PPFIBP1: variants seen among roughly 807,000 people sequenced by gnomAD.
The protein encoded by PPFIBP1 is liprin-beta-1.
Under a neutral mutation model 137.8 loss-of-function variants are expected in PPFIBP1, and 112 were observed. The observed-to-expected ratio is 0.81, with a 90% CI of 0.70 to 0.95. The LOEUF is 0.95. Ranked by LOEUF, PPFIBP1 falls within the 40% of genes least tolerant of loss-of-function variation. The pLI is 0.00. For synonymous variants in PPFIBP1, 378 were observed against 417.3 expected, an observed-to-expected ratio of 0.91 and a Z score of 1.15; for missense variants, 1,083 against 1,196.6, an observed-to-expected ratio of 0.91 and a Z score of 1.40.
At chr12:27,575,906 A>G (rs2050517880) in intron 1 of PPFIBP1, among the ~76,000 whole-genome samples, 1 of 152,348 alleles carries the variant, frequency 6.6e-6, no homozygotes, top group South Asian at 2.1e-4. Context: ...TTTGATCAAA[A>G]CTGTAGAACA....
Position 27,642,240 on chromosome 12 carries a change from ACT to A in PPFIBP1, c.271-3819_271-3818del, listed in dbSNP as rs148916151. Among the ~76,000 whole-genome samples, 265 of 152,258 alleles carry A rather than the reference ACT, an allele frequency of 1.7e-3. 1 individual carries two copies. The East Asian group carries it at 0.03, about 17-fold the overall frequency. On this transcript the variant is annotated intron_variant, in intron 4 of 29. Transcript: ENST00000228425. ...CAGTTGAGTTATATCTCCCCCACTG[ACT>A]CTGCATACACACTATTGGTTGGATA... is the stretch of plus-strand genomic sequence containing the variant.
intron 26 of PPFIBP1, 117 bp from the exon 27 acceptor site, chr12:27,688,898 T>C: frequency 1.1e-6 from 1 of 911,250 alleles, no homozygotes; most frequent in Non-Finnish European, 1.6e-6. Context: ...CTCACCGGGC[T>C]GTTGAGAGGA....
chr12:27,595,685 T>C (rs2053135094), intron 2 of PPFIBP1, among the ~76,000 whole-genome samples: 1 of 151,772 alleles, frequency 6.6e-6, no homozygotes, highest in Non-Finnish European at 1.5e-5. Flanking sequence ...AGAAACCCCA[T>C]CTCTACTAAA....
chr12:27,646,994 C>A (rs1195217694), intron 5 of PPFIBP1, among the ~76,000 whole-genome samples: 2 of 152,204 alleles, frequency 1.3e-5, no homozygotes, highest in Admixed American at 6.5e-5. Context: ...ATTTGAATTC[C>A]CTGGGTTTTG....
chr12:27,646,312 A>G (rs773652547), intron 5 of PPFIBP1, 164 bp downstream of exon 5: 2 of 655,224 alleles, frequency 3.1e-6, no homozygotes, highest in African/African-American at 1.8e-5. Flanking sequence ...GGGCAGAATG[A>G]TGGTGTTTAC....
At chr12:27,576,589 C>G (rs112525312) in intron 1 of PPFIBP1, among the ~76,000 whole-genome samples, 1 of 152,138 alleles carries the variant, frequency 6.6e-6, no homozygotes. Context: ...TGCTCAGACC[C>G]GGACTGACCT....
At chr12:27,528,266 T>C (rs531551803) in intron 1 of PPFIBP1, among the ~76,000 whole-genome samples, 2 of 152,256 alleles carry the variant, frequency 1.3e-5, no homozygotes, top group African/African-American at 4.8e-5. Flanking sequence ...GTATTCTTTG[T>C]GAATAAAGGG....
intron 2 of PPFIBP1, among the ~76,000 whole-genome samples, chr12:27,581,984 A>ATGTG (rs61548314): frequency 0.12 from 17,862 of 150,786 alleles, 1,594 homozygotes; most frequent in East Asian, 0.42. Context: ...GTGTGTACGT[A>ATGTG]TGTGTGTGTG....
chr12:27,605,966 A>G (rs78455020), intron 2 of PPFIBP1, among the ~76,000 whole-genome samples: 1,768 of 152,328 alleles, frequency 0.012, 40 homozygotes, highest in African/African-American at 0.04. Flanking sequence ...ACCTAAGGCT[A>G]GTAATTTTCA....
chr12:27,593,031 T>C (rs777118982), intron 2 of PPFIBP1, among the ~76,000 whole-genome samples: 2 of 147,510 alleles, frequency 1.4e-5, no homozygotes, highest in Non-Finnish European at 3.0e-5. Flanking sequence ...ACTCAGGAGG[T>C]TGAGGCAGGA....
At chr12:27,679,793 G>A (rs2060773428) in intron 20 of PPFIBP1, 140 bp from the exon 21 acceptor site, 1 of 1,376,356 alleles carries the variant, frequency 7.3e-7, no homozygotes, top group East Asian at 2.3e-5. Context: ...TTGGGTCTTA[G>A]TTAAAGTTTA....
intron 1 of PPFIBP1, among the ~76,000 whole-genome samples, chr12:27,569,668 C>T (rs6487612): frequency 0.31 from 46,717 of 151,996 alleles, 8,151 homozygotes; most frequent in African/African-American, 0.46. Flanking sequence ...AAGCAATTCT[C>T]CTGCCTCAGC....
intron 2 of PPFIBP1, among the ~76,000 whole-genome samples, chr12:27,601,505 A>G (rs1390188073): frequency 1.3e-5 from 2 of 152,230 alleles, no homozygotes; most frequent in East Asian, 3.8e-4. Flanking sequence ...TACCGCTGCC[A>G]AAGGCTACAC....
In PPFIBP1 at chr12:27,682,560, A is replaced by G. The variant is rs1593357241; in HGVS notation, c.2159-55A>G. 3 of 1,609,276 alleles carry G rather than the reference A, an allele frequency of 1.9e-6. No homozygotes were observed. The East Asian group carries it at 6.7e-5, about 36-fold the overall frequency. ...TATACATAGTTGCTTTTTCTTTTTA[A>G]TCACAAGAACAGATGTTTTGTGGCA... On this transcript the variant is annotated intron_variant, in intron 23 of 29. Coordinates refer to ENST00000228425, the MANE Select transcript of PPFIBP1 (RefSeq NM_003622.4).
At chr12:27,664,299 A>ATGGAATTAC in intron 11 of PPFIBP1, 63 bp from the exon 12 acceptor site, 1 of 1,059,098 alleles carries the variant, frequency 9.4e-7, no homozygotes, top group Non-Finnish European at 1.4e-6. Flanking sequence ...GCAATTCTTT[A>ATGGAATTAC]TGGAATTACT....
chr12:27,676,326 T>C, intron 17 of PPFIBP1, 102 bp from the exon 18 acceptor site: 2 of 902,032 alleles, frequency 2.2e-6, no homozygotes. Flanking sequence ...TTCTTTTGAA[T>C]AAACTCATGG....
intron 1 of PPFIBP1, chr12:27,548,835 A>G (rs1015869159): frequency 1.3e-5 from 2 of 152,264 alleles, no homozygotes; most frequent in African/African-American, 4.8e-5. Context: ...GACTCTGTGT[A>G]TTCTTTGCCT....
intron 2 of PPFIBP1, among the ~76,000 whole-genome samples, chr12:27,593,048 C>T (rs1222797145): frequency 1.4e-5 from 2 of 145,822 alleles, no homozygotes; most frequent in Non-Finnish European, 3.0e-5. Flanking sequence ...AGGAGAATCA[C>T]TTGAGCACGG....
chr12:27,627,165 G>A (rs1189149669), intron 2 of PPFIBP1, among the ~76,000 whole-genome samples: 1 of 152,028 alleles, frequency 6.6e-6, no homozygotes, highest in Non-Finnish European at 1.5e-5. Context: ...GTTGACAGTT[G>A]TCACCCTGTT....
Sources: allele counts gnomAD v4.1 joint callset (sites outside exome capture counted in the v4.1 genomes callset), GRCh38; gene constraint gnomAD v4.1.1; transcripts MANE v1.5; gene names NCBI Gene and HGNC (gene_info 2026-07-23, HGNC 2026-07-21).